Variants in ALG9 observed in about 807,000 individuals in gnomAD.
ALG9 encodes the protein alpha-1,2-mannosyltransferase ALG9.
A neutral mutation model predicts 81.8 loss-of-function variants in ALG9; 55 were observed. That is an observed-to-expected ratio of 0.67 (90% CI 0.54 to 0.84). The LOEUF (loss-of-function observed/expected upper bound fraction) is 0.84. Ranked by LOEUF, ALG9 falls within the 40% of genes least tolerant of loss-of-function variation. The pLI is 0.00. For synonymous variants in ALG9, 278 were observed against 274.3 expected (o/e 1.01, Z -0.13); for missense variants, 629 against 745.0 (o/e 0.84, Z 1.81).
chr11:111,871,267 C>T (rs1351016055), intron 1 of ALG9, 85 bp downstream of exon 1: 2 of 1,334,594 alleles, frequency 1.5e-6, no homozygotes, highest in African/African-American at 1.6e-5. Context: ...GGACTGAGCC[C>T]CGCGCGCCAC....
At chr11:111,812,379 G>C (rs1245679110) in intron 13 of ALG9, among the ~76,000 whole-genome samples, 1 of 152,124 alleles carries the variant, frequency 6.6e-6, no homozygotes, top group Non-Finnish European at 1.5e-5. Flanking sequence ...ATAAGCCTAG[G>C]CAAGACAGTG....
At chr11:111,773,245 A>AT in the ALG9 span, among the ~76,000 whole-genome samples, 43 of 149,552 alleles carry the variant, frequency 2.9e-4, no homozygotes, top group East Asian at 7.8e-4. Flanking sequence ...ACAATGGTAG[A>AT]TTTTTTTTTT....
intron 6 of ALG9, among the ~76,000 whole-genome samples, chr11:111,857,275 G>A (rs879986229): frequency 6.6e-6 from 1 of 152,194 alleles, no homozygotes; most frequent in South Asian, 2.1e-4. Flanking sequence ...AATCTTAAAG[G>A]TAAATTATTC....
chr11:111,806,658 C>T (rs1212048543), intron 14 of ALG9, among the ~76,000 whole-genome samples: 2 of 152,114 alleles, frequency 1.3e-5, no homozygotes, highest in African/African-American at 4.8e-5. Flanking sequence ...CATCCAGTCT[C>T]ATGTTTTTAA....
At position 111,870,247 on chromosome 11, in the gene ALG9, G is replaced by A. The variant is rs782565358; in HGVS notation, c.255C>T (p.Phe85=). Residue 85 remains phenylalanine (F), a synonymous_variant, in exon 2 of 15, where the codon TTC becomes TTT. Coordinates refer to ENST00000616540, the MANE Select transcript of ALG9 (RefSeq NM_024740.2). ...AATCACCTACTGGCTCCCAGTAGTTGAATGTTTCATCACAGTCAGAGATGT... is the reference window on the plus strand; with the variant it reads ...AATCACCTACTGGCTCCCAGTAGTTAAATGTTTCATCACAGTCAGAGATGT... The part of the protein sequence containing the change: ...LSNISDCDET[F]NYWEPTHYLI... 5 of 1,609,850 alleles carry A rather than the reference G, an allele frequency of 3.1e-6. No individual in the cohort carries two copies. The highest frequency in any genetic ancestry group is 1.3e-5 in the African/African-American group (1 of 74,562).
the ALG9 span, among the ~76,000 whole-genome samples, chr11:111,777,058 G>C: frequency 2.6e-5 from 4 of 152,180 alleles, no homozygotes; most frequent in African/African-American, 9.7e-5. Context: ...TTAGGACTTT[G>C]TATGTGATGT....
chr11:111,780,131 C>A (rs1359545587), downstream of ALG9, among the ~76,000 whole-genome samples: 1 of 152,170 alleles, frequency 6.6e-6, no homozygotes, highest in Non-Finnish European at 1.5e-5. Flanking sequence ...CCGATCACCT[C>A]CTCACACCTG....
chr11:111,773,899 T>G, the ALG9 span, among the ~76,000 whole-genome samples: 1 of 149,896 alleles, frequency 6.7e-6, no homozygotes, highest in Admixed American at 6.6e-5. Flanking sequence ...GGATGACAAG[T>G]GTATGTCACC....
chr11:111,781,917 A>AT (rs2136154487), downstream of ALG9, among the ~76,000 whole-genome samples: 1 of 152,356 alleles, frequency 6.6e-6, no homozygotes, highest in African/African-American at 2.4e-5. Context: ...CAGTGCTGTG[A>AT]TAACAGGCGT....
chr11:111,790,544 A>G (rs185680060), intron 14 of ALG9, among the ~76,000 whole-genome samples: 22 of 152,332 alleles, frequency 1.4e-4, no homozygotes, highest in Admixed American at 3.9e-4. Flanking sequence ...TGAGTTCAAA[A>G]GGCAAGCTAA....
At chr11:111,768,436 T>C in the ALG9 span, among the ~76,000 whole-genome samples, 10 of 152,316 alleles carry the variant, frequency 6.6e-5, 1 homozygote, top group South Asian at 2.1e-3. Context: ...TCCTACTTTA[T>C]ATTCGTAAAT....
At chr11:111,797,614 G>T (rs185562202) in intron 14 of ALG9, among the ~76,000 whole-genome samples, 2 of 152,348 alleles carry the variant, frequency 1.3e-5, no homozygotes, top group African/African-American at 2.4e-5. Flanking sequence ...TGGCTAATTT[G>T]CCCTTTACAG....
chr11:111,855,339 A>G (rs1042064785), intron 6 of ALG9, among the ~76,000 whole-genome samples: 1 of 152,226 alleles, frequency 6.6e-6, no homozygotes, highest in African/African-American at 2.4e-5. Context: ...GCTGCCATAG[A>G]GTTTAAAACA....
intron 9 of ALG9, 43 bp downstream of exon 9, chr11:111,844,558 G>A (rs1956687226): frequency 6.2e-7 from 1 of 1,612,738 alleles, no homozygotes; most frequent in South Asian, 1.1e-5. Context: ...ACCATTACTT[G>A]CTCTTTCCTC....
intron 14 of ALG9, among the ~76,000 whole-genome samples, chr11:111,786,934 A>G (rs1946558665): frequency 6.6e-6 from 1 of 152,226 alleles, no homozygotes; most frequent in African/African-American, 2.4e-5. Context: ...TTTTCCTGGA[A>G]AGGGCAAGAA....
chr11:111,807,786 G>A (rs1248120630), intron 14 of ALG9, among the ~76,000 whole-genome samples: 5 of 152,220 alleles, frequency 3.3e-5, no homozygotes, highest in African/African-American at 9.6e-5. Flanking sequence ...GCGAGACCCC[G>A]TCTCAAAAAA....
intron 10 of ALG9, among the ~76,000 whole-genome samples, chr11:111,840,418 T>G (rs1396429990): frequency 6.6e-6 from 1 of 152,176 alleles, no homozygotes; most frequent in Non-Finnish European, 1.5e-5. Context: ...TTCCTGTTGG[T>G]AACAGAGGCA....
intron 14 of ALG9, chr11:111,805,446 C>T: frequency 4.9e-6 from 2 of 405,110 alleles, no homozygotes. Context: ...TAAACTGTGG[C>T]ACATCCAGAC....
intron 8 of ALG9, among the ~76,000 whole-genome samples, chr11:111,852,898 C>T (rs932962083): frequency 2.0e-5 from 3 of 149,106 alleles, no homozygotes; most frequent in South Asian, 2.1e-4. Flanking sequence ...GCCAAGATCG[C>T]GCCACTGCAC....
Sources: allele counts gnomAD v4.1 joint callset (sites outside exome capture counted in the v4.1 genomes callset), GRCh38; gene constraint gnomAD v4.1.1; transcripts MANE v1.5; gene names NCBI Gene and HGNC (gene_info 2026-07-23, HGNC 2026-07-21).